The following DLGAP2 variants were observed in gnomAD, a reference collection of about 807,000 sequenced individuals.
DLGAP2 encodes the protein DLG associated protein 2.
In DLGAP2, 26 loss-of-function variants were observed where a neutral mutation model predicts 100.3. That is an observed-to-expected ratio of 0.26 (90% CI 0.19 to 0.36). The LOEUF is 0.36. Among genes scored for constraint, DLGAP2 ranks in the 10% least tolerant of loss-of-function variants. The probability of loss-of-function intolerance (pLI) is 1.00; values close to 1 mark genes in which losing one functional copy is unlikely to be tolerated. For synonymous variants in DLGAP2, 886 were observed against 630.1 expected (o/e 1.41, Z -6.08); for missense variants, 1,858 against 1,453.2 (o/e 1.28, Z -4.53).
At chr8:1,094,014 G>A (rs1344313973) in intron 2 of DLGAP2, among the ~76,000 whole-genome samples, 1 of 151,676 alleles carries the variant, frequency 6.6e-6, no homozygotes, top group Non-Finnish European at 1.5e-5. Flanking sequence ...GGTGGAGGGA[G>A]GGCAGCTTCG....
intron 2 of DLGAP2, among the ~76,000 whole-genome samples, chr8:943,022 C>T (rs1460161234): frequency 6.6e-6 from 1 of 152,186 alleles, no homozygotes; most frequent in Non-Finnish European, 1.5e-5. Context: ...GGGTTGGCCA[C>T]ATGGGCATAT....
chr8:1,364,662 G>T (rs1802068233), intron 3 of DLGAP2, among the ~76,000 whole-genome samples: 1 of 152,228 alleles, frequency 6.6e-6, no homozygotes, highest in African/African-American at 2.4e-5. Context: ...AGTGAAAATT[G>T]CTCTGGGCAA....
intron 4 of DLGAP2, among the ~76,000 whole-genome samples, chr8:1,503,697 T>C (rs1799803457): frequency 6.6e-6 from 1 of 152,170 alleles, no homozygotes; most frequent in South Asian, 2.1e-4. Flanking sequence ...TCCACACTGC[T>C]TAGGGACAGG....
rs1305068540 is a variant in DLGAP2, at chr8:833,230, G to T, written c.19-74682G>T. On this transcript the variant is annotated intron_variant, in intron 1 of 14. Coordinates refer to ENST00000637795, the MANE Select transcript of DLGAP2 (RefSeq NM_001346810.2). ...CCTAAGACTTTGGGAAGGCGCACTG[G>T]GGGAGTCAGCACTCCAGTACCCATT... Among the ~76,000 whole-genome samples the T allele has an allele frequency of 2.6e-5, 4 of 152,326 alleles. No homozygotes were observed. The East Asian group carries it at 7.7e-4, about 29-fold the overall frequency.
In DLGAP2 at chr8:1,480,926, A is replaced by G. The variant is rs144451588; in HGVS notation, c.107-20440A>G. 4.7e-3 allele frequency among the ~76,000 whole-genome samples: 720 copies of G among 152,096 alleles called. 8 individuals carry two copies. The highest frequency in any genetic ancestry group is 0.016 in the African/African-American group (675 of 41,486). On this transcript the variant is annotated intron_variant, in intron 3 of 14. Coordinates refer to ENST00000637795, the MANE Select transcript of DLGAP2 (RefSeq NM_001346810.2). The stretch of plus-strand genomic sequence containing the variant: ...GGTGGCTTACGCCTGTAATCCCAGC[A>G]CTTTGGGAGGCCGAGGCGGGCAGAT...
intron 3 of DLGAP2, among the ~76,000 whole-genome samples, chr8:1,296,744 G>T (rs911635363): frequency 6.6e-6 from 1 of 152,186 alleles, no homozygotes; most frequent in Non-Finnish European, 1.5e-5. Context: ...GTTCGCTTGC[G>T]GGAAACGTGG....
chr8:983,493 A>G (rs1261666498), intron 2 of DLGAP2, among the ~76,000 whole-genome samples: 1 of 152,250 alleles, frequency 6.6e-6, no homozygotes, highest in Non-Finnish European at 1.5e-5. Flanking sequence ...GGTGGAAAGT[A>G]CAGGTCCTTG....
intron 2 of DLGAP2, among the ~76,000 whole-genome samples, chr8:1,070,652 T>A (rs1427260193): frequency 6.6e-6 from 1 of 152,152 alleles, no homozygotes; most frequent in Non-Finnish European, 1.5e-5. Context: ...AGTGTGTCTG[T>A]TCAGACACAC....
chr8:829,644 A>G lies in DLGAP2; in HGVS notation c.19-78268A>G, dbSNP rs543740324. 3.9e-5 allele frequency among the ~76,000 whole-genome samples: 6 copies of G among 152,374 alleles called. No individual in the cohort carries two copies. In the South Asian group the frequency reaches 1.0e-3, roughly 26 times the overall value. On this transcript the variant is annotated intron_variant, in intron 1 of 14. Coordinates refer to ENST00000637795, the MANE Select transcript of DLGAP2 (RefSeq NM_001346810.2). ...TTTCTTTTTTCAAACTATGTAAGCC[A>G]TATGTCTTACCATAGAAAAATTAAC...
At chr8:1,338,998 G>A (rs1474691826) in intron 3 of DLGAP2, among the ~76,000 whole-genome samples, 1 of 150,880 alleles carries the variant, frequency 6.6e-6, no homozygotes, top group African/African-American at 2.4e-5. Flanking sequence ...GTCAGGACCT[G>A]GCAGGGAATG....
intron 1 of DLGAP2, among the ~76,000 whole-genome samples, chr8:784,065 G>A (rs1449175428): frequency 1.3e-5 from 2 of 152,142 alleles, no homozygotes; most frequent in Non-Finnish European, 2.9e-5. Flanking sequence ...GCATCTTACA[G>A]CTATTAAAAA....
intron 3 of DLGAP2, among the ~76,000 whole-genome samples, chr8:1,276,256 C>T (rs1799694042): frequency 1.3e-5 from 2 of 151,560 alleles, no homozygotes; most frequent in South Asian, 2.1e-4. Context: ...TTCATAACAA[C>T]CTAAAAAATC....
intron 1 of DLGAP2, among the ~76,000 whole-genome samples, chr8:780,947 G>C (rs1821667937): frequency 2.0e-5 from 3 of 152,172 alleles, no homozygotes; most frequent in Admixed American, 2.0e-4. Context: ...TTGTGCTAGG[G>C]TTTTGTGCAA....
At chr8:1,249,178 G>A (rs1287712335) in intron 2 of DLGAP2, among the ~76,000 whole-genome samples, 1 of 152,150 alleles carries the variant, frequency 6.6e-6, no homozygotes, top group Non-Finnish European at 1.5e-5. Flanking sequence ...CTTTACTGCT[G>A]GAGAGAAGAG....
At chr8:1,629,471 A>G (rs1797590661) in intron 7 of DLGAP2, among the ~76,000 whole-genome samples, 1 of 152,202 alleles carries the variant, frequency 6.6e-6, no homozygotes, top group Admixed American at 6.5e-5. Flanking sequence ...CCCCAACTAG[A>G]TAATTGTAAT....
chr8:1,529,479 G>C (rs910248453), intron 4 of DLGAP2, among the ~76,000 whole-genome samples: 2 of 152,164 alleles, frequency 1.3e-5, no homozygotes, highest in African/African-American at 4.8e-5. Context: ...GAAGCAACAG[G>C]AGAGCTGAGG....
rs4735934 is a variant in DLGAP2 at position 801,914 on chromosome 8, T to G, written c.18+64089T>G. Among the ~76,000 whole-genome samples, 425 of 81,048 alleles carry G rather than the reference T, an allele frequency of 5.2e-3. 4 individuals are homozygous for G. The highest frequency in any genetic ancestry group is 8.8e-3 in the Non-Finnish European group (296 of 33,618). 53.2% of individuals were successfully genotyped at this position (81,048 alleles called of 152,430 possible). Reference sequence around the variant, plus strand: ...ACTCAAGCTCACTGTCATAGTGTAATAAGTGGCCATTCAGTGAACACTGGG... The same window carrying G: ...ACTCAAGCTCACTGTCATAGTGTAAGAAGTGGCCATTCAGTGAACACTGGG... On this transcript the variant is annotated intron_variant, in intron 1 of 14. Transcript: ENST00000637795.
At chr8:740,480 C>T (rs1000005990) in intron 1 of DLGAP2, 1 of 152,172 alleles carries the variant, frequency 6.6e-6, no homozygotes, top group East Asian at 1.9e-4. Flanking sequence ...GACATACATG[C>T]CCTTCTGTGG....
chr8:1,697,378 G>A, intron 14 of DLGAP2, 79 bp downstream of exon 14: 4 of 1,499,454 alleles, frequency 2.7e-6, no homozygotes, highest in Non-Finnish European at 3.6e-6. Context: ...GATAGAGCAT[G>A]ACAACGGGGT....
Sources: gnomAD v4.1 joint callset for allele counts (sites outside exome capture counted in the v4.1 genomes callset) on GRCh38, gnomAD v4.1.1 for gene constraint, MANE v1.5 for transcripts, NCBI Gene and HGNC (gene_info 2026-07-23, HGNC 2026-07-21) for gene names.